The following DDX52 variants were observed in gnomAD, a reference collection of about 807,000 sequenced individuals.
DDX52 encodes DExD-box helicase 52, also known as probable ATP-dependent RNA helicase DDX52.
Under a neutral mutation model 76.1 loss-of-function variants are expected in DDX52, and 59 were observed. The observed-to-expected ratio is 0.78, with a 90% CI of 0.63 to 0.96. DDX52 has a LOEUF of 0.96. Among genes scored for constraint, DDX52 ranks in the 40% least tolerant of loss-of-function variants. The probability of loss-of-function intolerance (pLI) is 0.00; values close to 1 mark genes in which losing one functional copy is unlikely to be tolerated. For missense variants in DDX52, 707 were observed against 703.9 expected (o/e 1.00, Z -0.05); for synonymous variants, 231 against 244.1 (o/e 0.95, Z 0.50).
chr17:37,624,659 CTT>C (rs1267408836), intron 8 of DDX52, among the ~76,000 whole-genome samples: 1 of 152,036 alleles, frequency 6.6e-6, no homozygotes, highest in Non-Finnish European at 1.5e-5. Flanking sequence ...CCCATTAAAA[CTT>C]ATGTTTCAGT....
In DDX52 at chr17:37,628,609, C is replaced by A; in HGVS notation, c.811G>T (p.Ala271Ser). ...CCAAATTTCTTGGCTGCCACTGCTGCTTTGTGGATCATGTGTATTCTGAAT... is the reference window on the plus strand; with the variant it reads ...CCAAATTTCTTGGCTGCCACTGCTGATTTGTGGATCATGTGTATTCTGAAT... ...TGFRIHMIHK[A>S]AVAAKKFGPK... Residue 271 changes from alanine to serine, a missense_variant, in exon 6 of 15, where the codon GCA becomes TCA. Physicochemically the swap from Ala to Ser is moderately conservative, Grantham distance 99. Transcript: ENST00000617633. 1.2e-6 allele frequency: 2 copies of A among 1,612,322 alleles called. No homozygotes were observed. Among genetic ancestry groups the A allele is most frequent in the Non-Finnish European group, 1.7e-6 (2 of 1,179,548 alleles).
intron 4 of DDX52, 34 bp from the exon 5 acceptor site, chr17:37,630,207 A>G (rs776550145): frequency 2.6e-6 from 4 of 1,524,114 alleles, no homozygotes; most frequent in East Asian, 4.6e-5. Flanking sequence ...TACTACAAAG[A>G]AAGTACATAA....
intron 7 of DDX52, among the ~76,000 whole-genome samples, 158 bp from the exon 8 acceptor site, chr17:37,626,256 G>A (rs1367241037): frequency 2.0e-5 from 3 of 152,084 alleles, no homozygotes; most frequent in Non-Finnish European, 2.9e-5. Context: ...AACACAAGCA[G>A]GTGTCATGGT....
rs532933956 is a variant in DDX52 at position 37,610,750 on chromosome 17, G to A, written c.*3546C>T. 2 of 152,318 alleles carry A rather than the reference G, an allele frequency of 1.3e-5. No individual in the cohort carries two copies. The highest frequency in any genetic ancestry group is 3.9e-4 in the East Asian group (2 of 5,186). 9.4% of individuals were successfully genotyped at this position (152,318 alleles called of 1,614,324 possible). On this transcript the variant is annotated 3_prime_UTR_variant, in exon 15 of 15. Transcript: ENST00000617633. ...ATACAGCTACAAGCAATGAGGATCA[G>A]GATTCAAATCCAGGCCAGTTTGACT...
intron 9 of DDX52, among the ~76,000 whole-genome samples, chr17:37,623,325 T>C (rs1321263740): frequency 6.6e-6 from 1 of 152,170 alleles, no homozygotes; most frequent in African/African-American, 2.4e-5. Flanking sequence ...CTCGGGAGAC[T>C]GAGGTAGGAG....
At chr17:37,642,919 T>C (rs1377016013) in intron 1 of DDX52, 1 of 162,078 alleles carries the variant, frequency 6.2e-6, no homozygotes, top group Non-Finnish European at 1.3e-5. Flanking sequence ...ATAAAAAGAA[T>C]CACGCCCAGT....
intron 9 of DDX52, among the ~76,000 whole-genome samples, chr17:37,623,666 G>A (rs1009443804): frequency 1.3e-5 from 2 of 152,174 alleles, no homozygotes; most frequent in Non-Finnish European, 2.9e-5. Flanking sequence ...TCAAGGATCA[G>A]TTTAGTAGCA....
At chr17:37,643,285 C>G (rs746153323) in intron 1 of DDX52, 49 bp downstream of exon 1, 1 of 1,578,734 alleles carries the variant, frequency 6.3e-7, no homozygotes, top group Non-Finnish European at 8.7e-7. Flanking sequence ...CATTCCCGGG[C>G]TCCTGCTCCT....
intron 4 of DDX52, among the ~76,000 whole-genome samples, 159 bp from the exon 5 acceptor site, chr17:37,630,332 T>C (rs1215175764): frequency 2.0e-5 from 3 of 152,194 alleles, no homozygotes; most frequent in Non-Finnish European, 4.4e-5. Flanking sequence ...CATCCATCCA[T>C]GCCACCATCA....
At chr17:37,631,815 G>A (rs555330088) in intron 4 of DDX52, 45 of 417,786 alleles carry the variant, frequency 1.1e-4, no homozygotes, top group African/African-American at 9.1e-4. Flanking sequence ...TATGATTGGT[G>A]CGAATACAAA....
intron 14 of DDX52, among the ~76,000 whole-genome samples, chr17:37,617,418 A>G (rs1380935647): frequency 3.3e-5 from 5 of 152,270 alleles, no homozygotes; most frequent in South Asian, 2.1e-4. Context: ...TGGATAGAGT[A>G]TAACTGTTCA....
At position 37,624,438 on chromosome 17, in the gene DDX52, G is replaced by C; in HGVS notation, c.1137-4C>G. On this transcript the variant is annotated splice_region_variant and splice_polypyrimidine_tract_variant and intron_variant, in intron 8 of 14. Transcript: ENST00000617633. Reference sequence around the variant, plus strand: ...TACAGTTTCTACTGCAGAATTCCTGGGAAGAAAATATACCTTGTAGTTTGT... The same window carrying C: ...TACAGTTTCTACTGCAGAATTCCTGCGAAGAAAATATACCTTGTAGTTTGT... 6.3e-7 allele frequency: 1 copy of C among 1,594,396 alleles called. No homozygotes were observed. Among genetic ancestry groups the C allele is most frequent in the Non-Finnish European group, 8.6e-7 (1 of 1,168,064 alleles).
chr17:37,624,710 C>A (rs2030276135), intron 8 of DDX52, among the ~76,000 whole-genome samples: 1 of 151,972 alleles, frequency 6.6e-6, no homozygotes, highest in Admixed American at 6.6e-5. Flanking sequence ...TAAAAAATTT[C>A]TAACTGTAAA....
intron 6 of DDX52, 82 bp from the exon 7 acceptor site, chr17:37,626,942 TTAA>T: frequency 9.0e-7 from 1 of 1,108,992 alleles, no homozygotes; most frequent in East Asian, 2.4e-5. Flanking sequence ...TCAACTTCAG[TTAA>T]TAACCTGAAG....
chr17:37,628,420 G>A (rs1379448054), intron 6 of DDX52, 141 bp downstream of exon 6: 5 of 648,574 alleles, frequency 7.7e-6, no homozygotes, highest in Non-Finnish European at 1.3e-5. Flanking sequence ...AGAGTGAGAA[G>A]GGGATCGCTT....
chr17:37,643,179 A>G, intron 1 of DDX52, 155 bp downstream of exon 1: 1 of 672,608 alleles, frequency 1.5e-6, no homozygotes, highest in Non-Finnish European at 2.5e-6. Context: ...GCAGCCGTGC[A>G]GGCAAGCCGA....
rs183547849 is a variant in DDX52, at chr17:37,609,798, G to T, written c.*4498C>A. The T allele has an allele frequency of 6.4e-6, 1 of 157,226 alleles. No homozygotes were observed. Among genetic ancestry groups the T allele is most frequent in the African/African-American group, 2.4e-5 (1 of 41,784 alleles). The allele number at this position is 157,226 out of a possible 1,614,324, so 9.7% of individuals were successfully genotyped here. On this transcript the variant is annotated 3_prime_UTR_variant, in exon 15 of 15. Coordinates refer to ENST00000617633, the MANE Select transcript of DDX52 (RefSeq NM_007010.5). Reference sequence around the variant, plus strand: ...TTTATTGTTACTCTTTACACACAAAGAACAGATAGGTCCTGAAGGGCCCTT... The same window carrying T: ...TTTATTGTTACTCTTTACACACAAATAACAGATAGGTCCTGAAGGGCCCTT...
In DDX52 at chr17:37,643,404, A is replaced by T. The variant is rs757097742; in HGVS notation, c.17T>A (p.Leu6His). 5 of 1,613,856 alleles carry T rather than the reference A, an allele frequency of 3.1e-6. No individual in the cohort carries two copies. Among genetic ancestry groups the T allele is most frequent in the Admixed American group, 1.7e-5 (1 of 60,004 alleles). Residue 6 changes from leucine to histidine, a missense_variant, in exon 1 of 15, where the codon CTC becomes CAC. By Grantham distance (99) the Leu-to-His change is moderately conservative. Coordinates refer to ENST00000617633, the MANE Select transcript of DDX52 (RefSeq NM_007010.5). Reference sequence around the variant, plus strand: ...GGCCCCCGCGCCGAGCCGGCGAAAGAGATCGTGGACGTCCATCTTTACCCA... The same window carrying T: ...GGCCCCCGCGCCGAGCCGGCGAAAGTGATCGTGGACGTCCATCTTTACCCA... The part of the protein sequence containing the change: MDVHD[L>H]FRRLGAGAKF...
chr17:37,635,815 A>G (rs1278884355), intron 2 of DDX52, among the ~76,000 whole-genome samples: 1 of 152,178 alleles, frequency 6.6e-6, no homozygotes, highest in African/African-American at 2.4e-5. Flanking sequence ...TTTTACCATC[A>G]ACACTGTGAG....
Sources: gnomAD v4.1 joint callset for allele counts (sites outside exome capture counted in the v4.1 genomes callset) on GRCh38, gnomAD v4.1.1 for gene constraint, MANE v1.5 for transcripts, NCBI Gene and HGNC (gene_info 2026-07-23, HGNC 2026-07-21) for gene names.